The following PTPRN2 variants were observed in gnomAD, a reference collection of about 807,000 sequenced individuals.
PTPRN2 encodes the protein receptor-type tyrosine-protein phosphatase N2.
Under a neutral mutation model 118.8 loss-of-function variants are expected in PTPRN2, and 74 were observed. That is an observed-to-expected ratio of 0.62 (90% confidence interval 0.52 to 0.76). The LOEUF is 0.76. Ranked by LOEUF, PTPRN2 falls within the 30% of genes least tolerant of loss-of-function variation. The pLI, the probability that PTPRN2 is intolerant of heterozygous loss-of-function variation, is 0.00. For missense variants in PTPRN2, 1,481 were observed against 1,394.4 expected (o/e 1.06, Z -0.99); for synonymous variants, 641 against 608.0 (o/e 1.05, Z -0.80).
intron 11 of PTPRN2, among the ~76,000 whole-genome samples, chr7:157,992,270 C>T (rs187525630): frequency 1.3e-5 from 2 of 152,328 alleles, no homozygotes; most frequent in East Asian, 1.9e-4. Context: ...TTCATTTAAA[C>T]GTGATCAAAG....
At chr7:158,192,076 C>T (rs774705148) in intron 5 of PTPRN2, among the ~76,000 whole-genome samples, 85 of 152,158 alleles carry the variant, frequency 5.6e-4, no homozygotes, top group Admixed American at 9.8e-4. Context: ...TCTGGAGTCA[C>T]GACACCTTGT....
In PTPRN2 at chr7:157,978,970, G is replaced by A. The variant is rs117512198; in HGVS notation, c.1724-80233C>T. The stretch of plus-strand genomic sequence containing the variant: ...CACCTGCCCAGCGGAAGGCCCAGAG[G>A]GGGGTGGCTCTCTGGAGTTGACTCT... On this transcript the variant is annotated intron_variant, in intron 11 of 22. Transcript: ENST00000389418. Among the ~76,000 whole-genome samples the A allele has an allele frequency of 2.6e-3, 389 of 152,192 alleles. 7 individuals are homozygous for A. The highest frequency in any genetic ancestry group is 3.6e-3 in the Non-Finnish European group (247 of 67,976).
intron 12 of PTPRN2, among the ~76,000 whole-genome samples, chr7:157,830,935 T>C (rs1032235423): frequency 6.6e-6 from 1 of 152,172 alleles, no homozygotes; most frequent in African/African-American, 2.4e-5. Flanking sequence ...GACACTCCCT[T>C]TTCTGCACCT....
At chr7:157,733,211 C>T (rs1384280224) in intron 12 of PTPRN2, among the ~76,000 whole-genome samples, 5 of 24,106 alleles carry the variant, frequency 2.1e-4, no homozygotes, top group Admixed American at 3.4e-4. Flanking sequence ...GTTACCCTTT[C>T]CCGTCCCACG....
chr7:158,180,055 C>T (rs1392617121), intron 5 of PTPRN2, among the ~76,000 whole-genome samples: 2 of 152,256 alleles, frequency 1.3e-5, no homozygotes. Context: ...ACTGCCTTTT[C>T]AATAAGGTTG....
intron 1 of PTPRN2, among the ~76,000 whole-genome samples, chr7:158,571,523 TTC>T (rs1375375332): frequency 2.3e-5 from 2 of 88,546 alleles, no homozygotes; most frequent in Non-Finnish European, 4.8e-5. Context: ...ACACACCTAT[TTC>T]TTTTTTTTTT....
At chr7:158,461,583 G>C (rs916676839) in intron 2 of PTPRN2, among the ~76,000 whole-genome samples, 4 of 152,070 alleles carry the variant, frequency 2.6e-5, no homozygotes, top group Admixed American at 2.6e-4. Context: ...TTTTCTTCCA[G>C]TGTTTTCCAA....
chr7:157,809,892 G>A (rs1805875572), intron 12 of PTPRN2, among the ~76,000 whole-genome samples: 1 of 152,200 alleles, frequency 6.6e-6, no homozygotes, highest in Admixed American at 6.5e-5. Flanking sequence ...CTGCCCATGG[G>A]ATGGACTTGC....
intron 3 of PTPRN2, among the ~76,000 whole-genome samples, chr7:158,212,377 A>G (rs999196059): frequency 1.3e-5 from 2 of 152,192 alleles, no homozygotes; most frequent in Non-Finnish European, 2.9e-5. Context: ...AATAACTAAG[A>G]GTATAACTGG....
At chr7:158,176,203 C>A (rs1050238897) in intron 5 of PTPRN2, among the ~76,000 whole-genome samples, 1 of 152,202 alleles carries the variant, frequency 6.6e-6, no homozygotes, top group South Asian at 2.1e-4. Flanking sequence ...CAGCGAGTTC[C>A]AATCCATGTC....
Position 158,272,581 on chromosome 7 carries a change from C to T in PTPRN2, c.277+44238G>A, listed in dbSNP as rs540558914. On this transcript the variant is annotated intron_variant, in intron 3 of 22. Coordinates refer to ENST00000389418, the MANE Select transcript of PTPRN2 (RefSeq NM_002847.5). ...CAGCCCACCTCAAAGACACCGCACGCGGCCCACCTGCCTTGCACCCCAGAC... is the reference window on the plus strand; with the variant it reads ...CAGCCCACCTCAAAGACACCGCACGTGGCCCACCTGCCTTGCACCCCAGAC... Among the ~76,000 whole-genome samples, 309 of 152,320 alleles carry T rather than the reference C, an allele frequency of 2.0e-3. 5 individuals carry two copies. Among genetic ancestry groups the T allele is most frequent in the Non-Finnish European group, 1.2e-3 (80 of 68,030 alleles).
intron 12 of PTPRN2, among the ~76,000 whole-genome samples, chr7:157,702,824 C>T (rs564353071): frequency 1.3e-5 from 2 of 152,334 alleles, no homozygotes; most frequent in South Asian, 4.2e-4. Context: ...GAATCTGCTC[C>T]TCTCTCCTCT....
intron 11 of PTPRN2, among the ~76,000 whole-genome samples, chr7:157,931,789 G>A (rs914194518): frequency 6.6e-6 from 1 of 152,082 alleles, no homozygotes; most frequent in African/African-American, 2.4e-5. Context: ...TAGGAATTAC[G>A]GCTGCCGTGC....
intron 9 of PTPRN2, among the ~76,000 whole-genome samples, chr7:158,122,653 C>T (rs968102551): frequency 2.6e-5 from 4 of 152,324 alleles, no homozygotes; most frequent in East Asian, 1.9e-4. Context: ...CAGCAGACCC[C>T]TGAGGAACAC....
chr7:158,141,366 T>C (rs1819372702), intron 6 of PTPRN2, among the ~76,000 whole-genome samples: 1 of 152,168 alleles, frequency 6.6e-6, no homozygotes, highest in South Asian at 2.1e-4. Context: ...CGTCCCGTCC[T>C]CTCTCCACAG....
At chr7:157,614,203 T>C (rs991225411) in intron 15 of PTPRN2, 2 of 441,770 alleles carry the variant, frequency 4.5e-6, no homozygotes, top group African/African-American at 2.0e-5. Flanking sequence ...AGGCAGGGTT[T>C]GAAGTCTGTG....
At chr7:157,722,179 G>A (rs1229582329) in intron 12 of PTPRN2, among the ~76,000 whole-genome samples, 8 of 152,238 alleles carry the variant, frequency 5.3e-5, no homozygotes, top group Non-Finnish European at 1.2e-4. Flanking sequence ...CACCTGCGAG[G>A]AGGCTCGTGG....
intron 10 of PTPRN2, among the ~76,000 whole-genome samples, chr7:158,106,078 C>G (rs2150357704): frequency 6.6e-6 from 1 of 152,212 alleles, no homozygotes; most frequent in Admixed American, 6.5e-5. Context: ...CAGCTCTATC[C>G]TAGATCATCA....
At chr7:158,146,980 C>T (rs1820140925) in intron 6 of PTPRN2, among the ~76,000 whole-genome samples, 6 of 107,342 alleles carry the variant, frequency 5.6e-5, no homozygotes, top group East Asian at 2.8e-4. Context: ...CGCCACGTGT[C>T]TTTCCCCCTC....
Sources: allele counts gnomAD v4.1 joint callset (sites outside exome capture counted in the v4.1 genomes callset), GRCh38; gene constraint gnomAD v4.1.1; transcripts MANE v1.5; gene names NCBI Gene and HGNC (gene_info 2026-07-23, HGNC 2026-07-21).